Variants in CACNA2D1 observed in about 807,000 individuals in gnomAD.
CACNA2D1 encodes calcium voltage-gated channel auxiliary subunit alpha2delta 1, also known as voltage-dependent calcium channel subunit alpha-2/delta-1.
CACNA2D1 carries 53 observed loss-of-function variants against 171.5 expected under a neutral mutation model. The ratio of observed to expected loss-of-function variants is 0.31; its 90% CI spans 0.25 to 0.39. The LOEUF (loss-of-function observed/expected upper bound fraction) is 0.39. CACNA2D1 is among the 10% of genes least tolerant of loss of function. CACNA2D1 has a pLI of 1.00. For missense variants in CACNA2D1, 903 were observed against 1,299.8 expected (o/e 0.69, Z 4.69); for synonymous variants, 442 against 443.1 (o/e 1.00, Z 0.03).
chr7:81,997,477 T>A (rs1219469392), intron 18 of CACNA2D1, among the ~76,000 whole-genome samples: 1 of 151,382 alleles, frequency 6.6e-6, no homozygotes, highest in African/African-American at 2.4e-5. Flanking sequence ...GTGAAGACAG[T>A]GTCATTTTGA....
At chr7:82,336,768 AAC>A (rs765288894) in intron 2 of CACNA2D1, among the ~76,000 whole-genome samples, 3 of 152,210 alleles carry the variant, frequency 2.0e-5, no homozygotes, top group Non-Finnish European at 2.9e-5. Flanking sequence ...CAAACAGATA[AAC>A]CACAACATCA....
chr7:82,380,079 A>G (rs1464873293), intron 1 of CACNA2D1, among the ~76,000 whole-genome samples: 2 of 152,128 alleles, frequency 1.3e-5, no homozygotes, highest in Non-Finnish European at 2.9e-5. Context: ...TTAAATTGTC[A>G]AGTTTATTAC....
chr7:82,176,137 A>G (rs547626528), intron 3 of CACNA2D1, among the ~76,000 whole-genome samples: 3 of 152,152 alleles, frequency 2.0e-5, no homozygotes, highest in South Asian at 2.1e-4. Flanking sequence ...TCTGCCTGTG[A>G]CACCTTATTT....
chr7:82,117,579 A>C (rs1242069789), intron 5 of CACNA2D1, among the ~76,000 whole-genome samples: 1 of 152,192 alleles, frequency 6.6e-6, no homozygotes, highest in Admixed American at 6.5e-5. Context: ...TGAGCCCAGG[A>C]GTTCTAGACT....
chr7:82,428,105 AAT>A (rs1563539406), intron 1 of CACNA2D1, among the ~76,000 whole-genome samples: 37 of 149,016 alleles, frequency 2.5e-4, no homozygotes, highest in African/African-American at 8.8e-4. Context: ...ATAAAAAATA[AAT>A]AAAAAAAAAA....
chr7:82,144,443 CCT>C (rs1563112493), intron 4 of CACNA2D1, among the ~76,000 whole-genome samples: 1 of 151,902 alleles, frequency 6.6e-6, no homozygotes, highest in African/African-American at 2.4e-5. Flanking sequence ...CTTTTTCTCC[CCT>C]GTGTATCCAT....
chr7:81,959,583 T>G (rs921111219), intron 37 of CACNA2D1, 137 bp downstream of exon 37: 8 of 987,570 alleles, frequency 8.1e-6, no homozygotes, highest in South Asian at 1.4e-5. Context: ...AAATTTTGAG[T>G]GAGGAATCGA....
intron 3 of CACNA2D1, among the ~76,000 whole-genome samples, chr7:82,265,167 G>A (rs984504463): frequency 2.0e-5 from 3 of 152,132 alleles, no homozygotes; most frequent in African/African-American, 7.2e-5. Flanking sequence ...TCTGACAGGC[G>A]ATACATGGCT....
At chr7:82,100,235 T>A in intron 6 of CACNA2D1, among the ~76,000 whole-genome samples, 1 of 152,320 alleles carries the variant, frequency 6.6e-6, no homozygotes, top group African/African-American at 2.4e-5. Context: ...TTTGTGTTAG[T>A]CTCAAAGGGG....
chr7:81,992,559 C>A (rs928333116), intron 20 of CACNA2D1, among the ~76,000 whole-genome samples: 32 of 151,978 alleles, frequency 2.1e-4, no homozygotes, highest in African/African-American at 7.0e-4. Flanking sequence ...CATAAAAAAA[C>A]AGGGCAAGCA....
chr7:82,137,545 T>C (rs1283651749), intron 4 of CACNA2D1, among the ~76,000 whole-genome samples: 2 of 151,954 alleles, frequency 1.3e-5, no homozygotes, highest in Non-Finnish European at 2.9e-5. Context: ...CACATATTTT[T>C]CCCTGCCTCT....
intron 3 of CACNA2D1, among the ~76,000 whole-genome samples, chr7:82,250,350 A>G (rs977346999): frequency 6.6e-6 from 1 of 152,232 alleles, no homozygotes; most frequent in Non-Finnish European, 1.5e-5. Context: ...TTATAATACT[A>G]CGTGGAGAGA....
At chr7:82,072,503 A>T (rs1808445591) in intron 7 of CACNA2D1, among the ~76,000 whole-genome samples, 1 of 151,820 alleles carries the variant, frequency 6.6e-6, no homozygotes, top group South Asian at 2.1e-4. Flanking sequence ...GTCCCAAGTA[A>T]TCAGTTACTT....
chr7:82,136,283 TG>T (rs1791593139), intron 5 of CACNA2D1, among the ~76,000 whole-genome samples: 3 of 152,106 alleles, frequency 2.0e-5, no homozygotes, highest in Admixed American at 1.3e-4. Context: ...ATAGGCGTGG[TG>T]ACCCTGGTGA....
At chr7:82,060,212 A>AT (rs1562982148) in intron 10 of CACNA2D1, among the ~76,000 whole-genome samples, 3 of 15,294 alleles carry the variant, frequency 2.0e-4, no homozygotes, top group South Asian at 2.6e-3. Context: ...TATATATATA[A>AT]TATATATATA....
chr7:81,959,575 ATTTTGAG>A (rs1403967937), intron 37 of CACNA2D1, 138 bp downstream of exon 37: 24 of 966,928 alleles, frequency 2.5e-5, no homozygotes, highest in Non-Finnish European at 3.3e-5. Context: ...TTCCAACCAA[ATTTTGAG>A]TGAGGAATCG....
At chr7:81,965,321 T>A (rs1193011985) in intron 32 of CACNA2D1, among the ~76,000 whole-genome samples, 1 of 151,938 alleles carries the variant, frequency 6.6e-6, no homozygotes, top group African/African-American at 2.4e-5. Flanking sequence ...GAAAGTTTTC[T>A]AAATATCAGA....
intron 2 of CACNA2D1, among the ~76,000 whole-genome samples, chr7:82,345,461 T>A (rs1819133825): frequency 6.6e-6 from 1 of 152,174 alleles, no homozygotes; most frequent in Non-Finnish European, 1.5e-5. Flanking sequence ...TATTTGCAGA[T>A]GCTATCCTAA....
intron 14 of CACNA2D1, 40 bp from the exon 15 acceptor site, chr7:82,012,283 A>G: frequency 9.6e-7 from 1 of 1,040,002 alleles, no homozygotes; most frequent in East Asian, 2.4e-5. Context: ...GGTTAAAACT[A>G]GGAATGCTGT....
Sources: gnomAD v4.1 joint callset for allele counts (sites outside exome capture counted in the v4.1 genomes callset) on GRCh38, gnomAD v4.1.1 for gene constraint, MANE v1.5 for transcripts, NCBI Gene and HGNC (gene_info 2026-07-23, HGNC 2026-07-21) for gene names.